The following FLRT2 variants were observed in gnomAD, a reference collection of about 807,000 sequenced individuals.
FLRT2 encodes leucine-rich repeat transmembrane protein FLRT2.
FLRT2 carries 15 observed loss-of-function variants against 40.0 expected under a neutral mutation model. The ratio of observed to expected loss-of-function variants is 0.38; its 90% CI spans 0.25 to 0.58. FLRT2 has a LOEUF of 0.58. Among genes scored for constraint, FLRT2 ranks in the 20% least tolerant of loss-of-function variants. The probability of loss-of-function intolerance (pLI) is 0.71; values close to 1 mark genes in which losing one functional copy is unlikely to be tolerated. For synonymous variants in FLRT2, 380 were observed against 336.8 expected (o/e 1.13, Z -1.41); for missense variants, 726 against 840.0 (o/e 0.86, Z 1.68).
rs1893562800 is a variant in FLRT2, at chr14:85,624,171, A to G, written c.*674A>G. The G allele has an allele frequency of 6.0e-6, 1 of 166,934 alleles. No homozygotes were observed. Among genetic ancestry groups the G allele is most frequent in the Admixed American group, 6.5e-5 (1 of 15,274 alleles). 10.3% of individuals were successfully genotyped at this position (166,934 alleles called of 1,614,324 possible). On this transcript the variant is annotated 3_prime_UTR_variant, in exon 2 of 2. Transcript: ENST00000330753. ...GCAGGGGTTGGCTTTCTGACTGGGA[A>G]CTTAAAAATCACTCTTCATGCTTCC...
intron 1 of FLRT2, among the ~76,000 whole-genome samples, chr14:85,584,679 C>T (rs981890466): frequency 5.3e-5 from 8 of 152,110 alleles, no homozygotes; most frequent in Non-Finnish European, 1.0e-4. Context: ...AGTTGCTGGC[C>T]GCCCCTGCAG....
intron 1 of FLRT2, among the ~76,000 whole-genome samples, chr14:85,549,249 C>T (rs926760506): frequency 5.3e-5 from 8 of 151,764 alleles, no homozygotes; most frequent in Non-Finnish European, 1.2e-4. Flanking sequence ...TTAAGCCATC[C>T]ATGGATGGCA....
intron 1 of FLRT2, among the ~76,000 whole-genome samples, chr14:85,545,431 A>T (rs143107022): frequency 2.5e-4 from 38 of 152,290 alleles, no homozygotes; most frequent in Admixed American, 2.4e-3. Flanking sequence ...AAAAGGGTAG[A>T]TGGACACTGG....
chr14:85,650,541 A>G lies in FLRT2; in HGVS notation c.*27044A>G, dbSNP rs1434711675. The G allele has an allele frequency of 1.3e-5, 2 of 151,910 alleles. No homozygotes were observed. Among genetic ancestry groups the G allele is most frequent in the African/African-American group, 4.8e-5 (2 of 41,404 alleles). 9.4% of individuals were successfully genotyped at this position (151,910 alleles called of 1,614,324 possible). A position where few individuals can be genotyped will look rare whatever the true frequency, so the allele number is the denominator to read the frequency against. ...CAATTTTCATTTTTAACTTTACTAA[A>G]TACTGTAAAATTGTTCTCTGTGTGC... On this transcript the variant is annotated 3_prime_UTR_variant, in exon 2 of 2. Coordinates refer to ENST00000330753, the MANE Select transcript of FLRT2 (RefSeq NM_013231.6).
At position 85,622,510 on chromosome 14, in the gene FLRT2, C is replaced by T. The variant is rs1210702145; in HGVS notation, c.996C>T (p.Leu332=). 1.2e-6 allele frequency: 2 copies of T among 1,613,986 alleles called. No homozygotes were observed. Among genetic ancestry groups the T allele is most frequent in the Admixed American group, 1.7e-5 (1 of 60,006 alleles). The change falls in exon 2 of 2, where the codon CTC becomes CTT. Residue 332 remains leucine (L), a synonymous_variant. Transcript: ENST00000330753. ...TEWLKYIPSS[L]NVRGFMCQGP... ...GGCTCAAATATATCCCTTCATCTCT[C>T]AACGTGCGGGGTTTCATGTGCCAAG...
At chr14:85,618,206 T>C (rs1275219934) in intron 1 of FLRT2, among the ~76,000 whole-genome samples, 1 of 152,174 alleles carries the variant, frequency 6.6e-6, no homozygotes, top group Non-Finnish European at 1.5e-5. Flanking sequence ...CATCCTCAAG[T>C]ATTGATTTGT....
At chr14:85,557,922 G>C (rs1890074237) in intron 1 of FLRT2, among the ~76,000 whole-genome samples, 1 of 152,128 alleles carries the variant, frequency 6.6e-6, no homozygotes, top group Admixed American at 6.5e-5. Flanking sequence ...GAAGGAAAAT[G>C]GTGACTGTAG....
chr14:85,545,131 A>G (rs1380999276), intron 1 of FLRT2, among the ~76,000 whole-genome samples: 1 of 152,212 alleles, frequency 6.6e-6, no homozygotes, highest in Non-Finnish European at 1.5e-5. Flanking sequence ...CTGTTTAGAA[A>G]CAATGTGCTC....
At chr14:85,618,339 T>C (rs1449256470) in intron 1 of FLRT2, among the ~76,000 whole-genome samples, 1 of 152,240 alleles carries the variant, frequency 6.6e-6, no homozygotes, top group African/African-American at 2.4e-5. Context: ...AGTGGTTGCT[T>C]CTATCACACT....
rs1400476729 is a variant in FLRT2 at position 85,648,144 on chromosome 14, G to T, written c.*24647G>T. The stretch of plus-strand genomic sequence containing the variant: ...TAGATTCAGTGACTAACAAAATTTG[G>T]GGACAGTGTAAGCCTCATTCTAATT... On this transcript the variant is annotated 3_prime_UTR_variant, in exon 2 of 2. Transcript: ENST00000330753. 6.6e-6 allele frequency: 1 copy of T among 152,096 alleles called. No individual in the cohort carries two copies. The highest frequency in any genetic ancestry group is 1.5e-5 in the Non-Finnish European group (1 of 68,020). The allele number at this position is 152,096 out of a possible 1,614,324, so 9.4% of individuals were successfully genotyped here.
At chr14:85,549,592 C>A (rs2139822494) in intron 1 of FLRT2, among the ~76,000 whole-genome samples, 1 of 152,272 alleles carries the variant, frequency 6.6e-6, no homozygotes, top group South Asian at 2.1e-4. Context: ...CTGTCTCAAG[C>A]AACTAGGATG....
Position 85,643,990 on chromosome 14 carries a change from T to C in FLRT2, c.*20493T>C, listed in dbSNP as rs999125564. ...AATATAGATGTTCAGCCAACTTAAG[T>C]TGTACCTGAATTGTGCAAATGAAGG... On this transcript the variant is annotated 3_prime_UTR_variant, in exon 2 of 2. Transcript: ENST00000330753. 6.6e-6 allele frequency: 1 copy of C among 152,242 alleles called. No individual in the cohort carries two copies. The highest frequency in any genetic ancestry group is 2.4e-5 in the African/African-American group (1 of 41,460). The allele number at this position is 152,242 out of a possible 1,614,324, so 9.4% of individuals were successfully genotyped here.
At chr14:85,558,418 GTGTT>G (rs1248854035) in intron 1 of FLRT2, among the ~76,000 whole-genome samples, 1 of 152,152 alleles carries the variant, frequency 6.6e-6, no homozygotes, top group Non-Finnish European at 1.5e-5. Flanking sequence ...GAATGGGCAG[GTGTT>G]CAGGTGATTT....
At chr14:85,540,782 C>T (rs1474507660) in intron 1 of FLRT2, among the ~76,000 whole-genome samples, 1 of 152,000 alleles carries the variant, frequency 6.6e-6, no homozygotes, top group Non-Finnish European at 1.5e-5. Flanking sequence ...GGCCACAGAA[C>T]TGTATTTTAA....
chr14:85,534,464 C>T (rs1888519612), intron 1 of FLRT2, among the ~76,000 whole-genome samples: 1 of 152,186 alleles, frequency 6.6e-6, no homozygotes, highest in Non-Finnish European at 1.5e-5. Flanking sequence ...ATCCTTTCCC[C>T]TTTTGACATC....
intron 1 of FLRT2, among the ~76,000 whole-genome samples, chr14:85,536,891 A>C (rs1888695787): frequency 1.3e-5 from 2 of 152,244 alleles, no homozygotes; most frequent in Non-Finnish European, 2.9e-5. Flanking sequence ...AGAGCTATCC[A>C]CTGCCAATGA....
chr14:85,612,023 T>G (rs1165294516), intron 1 of FLRT2, among the ~76,000 whole-genome samples: 1 of 115,298 alleles, frequency 8.7e-6, no homozygotes. Context: ...GCACAAGGCC[T>G]GGGTGACATG....
chr14:85,601,786 A>AATT (rs1296818281), intron 1 of FLRT2, among the ~76,000 whole-genome samples: 1 of 152,202 alleles, frequency 6.6e-6, no homozygotes, highest in African/African-American at 2.4e-5. Context: ...AAATAATTAT[A>AATT]ATTATTACTG....
In FLRT2 at chr14:85,641,430, A is replaced by G. The variant is rs1894146382; in HGVS notation, c.*17933A>G. ...CTTACTAATGTCAGTCTTGGGCCCA[A>G]GAGGCCATCAGGCACGGTGCCCATA... On this transcript the variant is annotated 3_prime_UTR_variant, in exon 2 of 2. Coordinates refer to ENST00000330753, the MANE Select transcript of FLRT2 (RefSeq NM_013231.6). The G allele has an allele frequency of 6.6e-6, 1 of 152,216 alleles. No homozygotes were observed. The highest frequency in any genetic ancestry group is 2.1e-4 in the South Asian group (1 of 4,838). 9.4% of individuals were successfully genotyped at this position (152,216 alleles called of 1,614,324 possible).
Sources: allele counts gnomAD v4.1 joint callset (sites outside exome capture counted in the v4.1 genomes callset), GRCh38; gene constraint gnomAD v4.1.1; transcripts MANE v1.5; gene names NCBI Gene and HGNC (gene_info 2026-07-23, HGNC 2026-07-21).